Variants in HMCN1 observed in about 807,000 individuals in gnomAD.
The protein encoded by HMCN1 is hemicentin 1.
In HMCN1, 321 loss-of-function variants were observed where a neutral mutation model predicts 625.9. The ratio of observed to expected loss-of-function variants is 0.51; its 90% CI spans 0.47 to 0.56. The LOEUF (loss-of-function observed/expected upper bound fraction) is 0.56, where lower values mean the gene tolerates loss of function less well. Among genes scored for constraint, HMCN1 ranks in the 20% least tolerant of loss-of-function variants. The probability of loss-of-function intolerance (pLI) is 0.00; values close to 1 mark genes in which losing one functional copy is unlikely to be tolerated. For synonymous variants in HMCN1, 2,425 were observed against 2,417.6 expected (o/e 1.00, Z -0.09); for missense variants, 6,588 against 6,887.3 (o/e 0.96, Z 1.54).
At chr1:185,741,283 T>C (rs1050100193) in intron 1 of HMCN1, among the ~76,000 whole-genome samples, 1 of 152,226 alleles carries the variant, frequency 6.6e-6, no homozygotes, top group Non-Finnish European at 1.5e-5. Flanking sequence ...GACAAGTAAA[T>C]AGAAGCATAG....
intron 103 of HMCN1, among the ~76,000 whole-genome samples, chr1:186,174,913 G>A (rs564715185): frequency 6.6e-6 from 1 of 152,206 alleles, no homozygotes; most frequent in South Asian, 2.1e-4. Flanking sequence ...TGATATAATT[G>A]CCATCACAAC....
At chr1:185,930,482 TTA>T (rs1333706723) in intron 10 of HMCN1, among the ~76,000 whole-genome samples, 1 of 152,168 alleles carries the variant, frequency 6.6e-6, no homozygotes, top group East Asian at 1.9e-4. Context: ...TAATTCGATC[TTA>T]TATTTTTAAA....
chr1:186,163,036 T>A (rs1571444496), intron 97 of HMCN1, among the ~76,000 whole-genome samples: 3 of 152,226 alleles, frequency 2.0e-5, no homozygotes, highest in Non-Finnish European at 4.4e-5. Context: ...CAGGCAGGCG[T>A]CCTTGAGCTG....
intron 1 of HMCN1, among the ~76,000 whole-genome samples, chr1:185,807,836 T>C (rs567898022): frequency 6.6e-6 from 1 of 152,336 alleles, no homozygotes; most frequent in Non-Finnish European, 1.5e-5. Context: ...GGTGTAACTT[T>C]ACTAATTTTC....
At position 186,139,112 on chromosome 1, in the gene HMCN1, A is replaced by G. The variant is rs115431088; in HGVS notation, c.13924+1140A>G. ...ATGGACAAACCAAAAAGGGACAGGT[A>G]TTCACTACATTGGGTATTGCATCCT... On this transcript the variant is annotated intron_variant, in intron 89 of 106. Transcript: ENST00000271588. 9.2e-3 allele frequency among the ~76,000 whole-genome samples: 1,406 copies of G among 152,360 alleles called. 13 individuals are homozygous for G. The highest frequency in any genetic ancestry group is 0.028 in the South Asian group (134 of 4,832).
intron 1 of HMCN1, among the ~76,000 whole-genome samples, chr1:185,835,863 T>C (rs1450761596): frequency 6.6e-6 from 1 of 152,098 alleles, no homozygotes; most frequent in East Asian, 1.9e-4. Flanking sequence ...AATTGGGCTG[T>C]GGTAGATTTC....
In HMCN1 at chr1:185,734,480, A is replaced by C; in HGVS notation, c.-300A>C. 1 of 363,130 alleles carries C rather than the reference A, an allele frequency of 2.8e-6. No individual in the cohort carries two copies. The highest frequency in any genetic ancestry group is 5.0e-6 in the Non-Finnish European group (1 of 198,648). 22.5% of individuals were successfully genotyped at this position (363,130 alleles called of 1,614,324 possible). On this transcript the variant is annotated 5_prime_UTR_variant, in exon 1 of 107. It removes an upstream start codon present in the reference 5' UTR. Transcript: ENST00000271588. ...GCAGGCTCAGAGCTGCCCCCGGGGC[A>C]TGGACCCGACGCGCCGCCCGCACTC...
intron 16 of HMCN1, among the ~76,000 whole-genome samples, chr1:185,978,457 T>C (rs1651381452): frequency 6.6e-6 from 1 of 152,106 alleles, no homozygotes; most frequent in Admixed American, 6.6e-5. Flanking sequence ...CCCACAAAAG[T>C]CAAATACTTT....
intron 14 of HMCN1, 115 bp from the exon 15 acceptor site, chr1:185,970,220 T>C (rs1399716962): frequency 1.1e-6 from 1 of 943,252 alleles, no homozygotes; most frequent in Non-Finnish European, 1.7e-6. Context: ...GCCAAACACT[T>C]GTGTTTAAAA....
intron 39 of HMCN1, among the ~76,000 whole-genome samples, chr1:186,040,586 A>G (rs1343833388): frequency 6.6e-6 from 1 of 152,172 alleles, no homozygotes; most frequent in African/African-American, 2.4e-5. Flanking sequence ...TCCATGGGAT[A>G]AAGGATAATC....
At chr1:185,861,753 G>A (rs1558022368) in intron 2 of HMCN1, among the ~76,000 whole-genome samples, 1 of 152,140 alleles carries the variant, frequency 6.6e-6, no homozygotes, top group African/African-American at 2.4e-5. Flanking sequence ...GTAAAGCATA[G>A]TAGAATACAT....
At chr1:185,988,114 A>G (rs1652135549) in intron 20 of HMCN1, among the ~76,000 whole-genome samples, 1 of 152,188 alleles carries the variant, frequency 6.6e-6, no homozygotes, top group Non-Finnish European at 1.5e-5. Flanking sequence ...AGGCCTTTTA[A>G]GGTTCCTTCT....
intron 1 of HMCN1, among the ~76,000 whole-genome samples, chr1:185,829,704 T>C (rs1168166657): frequency 6.6e-6 from 1 of 152,214 alleles, no homozygotes; most frequent in Non-Finnish European, 1.5e-5. Context: ...TTGTAAATAG[T>C]GCTGCAATAA....
rs770888288 is a variant in HMCN1, at chr1:186,137,482, A to C, written c.13583-16A>C. The C allele has an allele frequency of 1.9e-6, 3 of 1,611,888 alleles. No homozygotes were observed. The highest frequency in any genetic ancestry group is 1.1e-5 in the South Asian group (1 of 90,788). ...ATTTGCAAAAGCTTAGACAAAGTACAATGTTTTATTTGCAGTTCATGGTGG... is the reference window on the plus strand; with the variant it reads ...ATTTGCAAAAGCTTAGACAAAGTACCATGTTTTATTTGCAGTTCATGGTGG... On this transcript the variant is annotated splice_polypyrimidine_tract_variant and intron_variant, in intron 87 of 106. Coordinates refer to ENST00000271588, the MANE Select transcript of HMCN1 (RefSeq NM_031935.3).
chr1:186,118,013 A>G (rs184332256), intron 77 of HMCN1, among the ~76,000 whole-genome samples: 134 of 152,268 alleles, frequency 8.8e-4, no homozygotes, highest in East Asian at 1.9e-3. Flanking sequence ...GACAGGATAT[A>G]TACTCTACTA....
intron 32 of HMCN1, 124 bp downstream of exon 32, chr1:186,016,363 T>A: frequency 1.0e-5 from 9 of 861,212 alleles, no homozygotes; most frequent in South Asian, 1.8e-5. Context: ...TCTGTGCAAC[T>A]GTGGATTGCA....
At chr1:185,919,074 CATAT>C (rs60205431) in intron 6 of HMCN1, among the ~76,000 whole-genome samples, 2 of 146,064 alleles carry the variant, frequency 1.4e-5, no homozygotes, top group Admixed American at 6.8e-5. Flanking sequence ...AATTTTAGGA[CATAT>C]ATATATATAT....
At chr1:185,797,965 C>CAAAAAAAA (rs35031310) in intron 1 of HMCN1, among the ~76,000 whole-genome samples, 2 of 13,668 alleles carry the variant, frequency 1.5e-4, no homozygotes, top group Admixed American at 1.3e-3. Context: ...GACTCCGTCT[C>CAAAAAAAA]AAAAAAAAAA....
intron 36 of HMCN1, among the ~76,000 whole-genome samples, chr1:186,026,785 C>T (rs977434094): frequency 6.6e-6 from 1 of 152,016 alleles, no homozygotes; most frequent in Admixed American, 6.6e-5. Context: ...CAAGCAAATG[C>T]CACCATGCCT....
Sources: gnomAD v4.1 joint callset for allele counts (sites outside exome capture counted in the v4.1 genomes callset) on GRCh38, gnomAD v4.1.1 for gene constraint, MANE v1.5 for transcripts, NCBI Gene and HGNC (gene_info 2026-07-23, HGNC 2026-07-21) for gene names.